Variants in FSIP2 observed in about 807,000 individuals in gnomAD.
FSIP2 encodes fibrous sheath-interacting protein 2.
A neutral mutation model predicts 510.5 loss-of-function variants in FSIP2; 367 were observed. That is an observed-to-expected ratio of 0.72 (90% CI 0.66 to 0.78). The LOEUF (loss-of-function observed/expected upper bound fraction) is 0.78, where lower values mean the gene tolerates loss of function less well. FSIP2 is among the 30% of genes least tolerant of loss of function. The pLI is 0.00. For missense variants in FSIP2, 7,594 were observed against 7,901.7 expected (o/e 0.96, Z 1.48); for synonymous variants, 2,601 against 2,732.2 (o/e 0.95, Z 1.50).
Position 185,800,895 on chromosome 2 carries a change from G to A in FSIP2, c.11589G>A (p.Pro3863=), listed in dbSNP as rs137884199. 1,407 of 1,533,456 alleles carry A rather than the reference G, an allele frequency of 9.2e-4. 7 individuals are homozygous for A. The highest frequency in any genetic ancestry group is 8.4e-4 in the Non-Finnish European group (963 of 1,145,362). The allele number at this position is 1,533,456 out of a possible 1,614,324, so 95.0% of individuals were successfully genotyped here. The change falls in exon 17 of 23, where the codon CCG becomes CCA. Residue 3863 remains proline (P), a synonymous_variant. Coordinates refer to ENST00000424728, the MANE Select transcript of FSIP2 (RefSeq NM_173651.4). Reference sequence around the variant, plus strand: ...TATCTCACAGCATACAACAAGCTCCGGAAAGTCTACCTTTTGCAAATAAGC... The same window carrying A: ...TATCTCACAGCATACAACAAGCTCCAGAAAGTCTACCTTTTGCAAATAAGC... ...DKLSHSIQQA[P]ESLPFANKHL... is the part of the protein sequence containing the mutation.
chr2:185,762,684 T>C (rs547698767), intron 11 of FSIP2, among the ~76,000 whole-genome samples: 2 of 151,550 alleles, frequency 1.3e-5, no homozygotes, highest in East Asian at 3.9e-4. Context: ...ATTTTGATCT[T>C]CACTTTTTTC....
At position 185,803,906 on chromosome 2, in the gene FSIP2, T is replaced by C. The variant is rs1242698484; in HGVS notation, c.14600T>C (p.Ile4867Thr). 3 of 1,526,306 alleles carry C rather than the reference T, an allele frequency of 2.0e-6. No individual in the cohort carries two copies. The highest frequency in any genetic ancestry group is 8.8e-7 in the Non-Finnish European group (1 of 1,140,028). The allele number at this position is 1,526,306 out of a possible 1,614,324, so 94.5% of individuals were successfully genotyped here. A position where few individuals can be genotyped will look rare whatever the true frequency, so the allele number is the denominator to read the frequency against. Residue 4867 changes from isoleucine to threonine, a missense_variant, in exon 17 of 23, where the codon ATT (isoleucine) becomes ACT (threonine). Physicochemically the swap from Ile to Thr is moderately conservative, Grantham distance 89. Transcript: ENST00000424728. The stretch of plus-strand genomic sequence containing the variant: ...GATATCCAGTCTATGGTTGATTCCA[T>C]TTATGCTGATCTTTCTCATTCAAAT... ...AKDIQSMVDS[I>T]YADLSHSNIY...
In FSIP2 at chr2:185,831,902, A is replaced by T; in HGVS notation, c.20587+20A>T. 1 of 1,447,652 alleles carries T rather than the reference A, an allele frequency of 6.9e-7. No individual in the cohort carries two copies. The highest frequency in any genetic ancestry group is 9.7e-7 in the Non-Finnish European group (1 of 1,029,612). The allele number at this position is 1,447,652 out of a possible 1,614,324, so 89.7% of individuals were successfully genotyped here. A position where few individuals can be genotyped will look rare whatever the true frequency, so the allele number is the denominator to read the frequency against. ...TTTCAGGTACAAAATGTACTATTTT[A>T]ACAACTGGTGTAATTAAACTGTCAA... On this transcript the variant is annotated intron_variant, in intron 22 of 22. Coordinates refer to ENST00000424728, the MANE Select transcript of FSIP2 (RefSeq NM_173651.4).
At chr2:185,781,917 A>C (rs940437638) in intron 13 of FSIP2, among the ~76,000 whole-genome samples, 2 of 151,522 alleles carry the variant, frequency 1.3e-5, no homozygotes, top group African/African-American at 4.9e-5. Context: ...GGCTCACTGC[A>C]AGCTCCGCCT....
rs1175618250 is a variant in FSIP2, at chr2:185,800,864, A to G, written c.11558A>G (p.Asp3853Gly). Residue 3853 changes from aspartate (D) to glycine (G), a missense_variant, in exon 17 of 23, where the codon GAC becomes GGC. Transcript: ENST00000424728. The stretch of plus-strand genomic sequence containing the variant: ...CACAGCTTGGTTAAATCATTGATGG[A>G]CAAATTATCTCACAGCATACAACAA... Reference protein sequence around the residue: ...ISHSLVKSLMDKLSHSIQQAP... With the variant: ...ISHSLVKSLMGKLSHSIQQAP... The G allele has an allele frequency of 2.0e-6, 3 of 1,534,224 alleles. No individual in the cohort carries two copies. The highest frequency in any genetic ancestry group is 2.6e-6 in the Non-Finnish European group (3 of 1,145,682).
chr2:185,770,454 G>A (rs903672747), intron 13 of FSIP2, among the ~76,000 whole-genome samples: 1 of 152,266 alleles, frequency 6.6e-6, no homozygotes, highest in Middle Eastern at 3.4e-3. Context: ...TGAAGGGGAA[G>A]CAGGCATATC....
intron 9 of FSIP2, among the ~76,000 whole-genome samples, chr2:185,760,124 CTTTA>C (rs1011807592): frequency 2.9e-4 from 43 of 150,378 alleles, no homozygotes; most frequent in African/African-American, 9.7e-4. Flanking sequence ...TGATTTGTGG[CTTTA>C]TTTGTTTTTG....
In FSIP2 at chr2:185,797,179, A is replaced by C; in HGVS notation, c.10043A>C (p.His3348Pro). 1 of 1,535,070 alleles carries C rather than the reference A, an allele frequency of 6.5e-7. No individual in the cohort carries two copies. The highest frequency in any genetic ancestry group is 8.7e-7 in the Non-Finnish European group (1 of 1,146,248). ...LSSCGFPSQP[H>P]TNENREIMKP... Reference sequence around the variant, plus strand: ...AGCTGTGGCTTTCCAAGTCAACCACACACTAATGAGAACAGGGAAATAATG... The same window carrying C: ...AGCTGTGGCTTTCCAAGTCAACCACCCACTAATGAGAACAGGGAAATAATG... The change falls in exon 16 of 23, where the codon CAC (histidine) becomes CCC (proline). Residue 3348 changes from histidine (H) to proline (P), a missense_variant. By Grantham distance (77) the His-to-Pro change is moderately conservative (BLOSUM62 -2). Coordinates refer to ENST00000424728, the MANE Select transcript of FSIP2 (RefSeq NM_173651.4).
intron 21 of FSIP2, among the ~76,000 whole-genome samples, chr2:185,828,755 G>C (rs2105689381): frequency 6.6e-6 from 1 of 151,912 alleles, no homozygotes; most frequent in South Asian, 2.1e-4. Context: ...TTCTTATAAA[G>C]TTTCCAATGA....
chr2:185,741,165 A>G (rs912623693), intron 2 of FSIP2, among the ~76,000 whole-genome samples: 3 of 152,062 alleles, frequency 2.0e-5, no homozygotes, highest in Admixed American at 6.5e-5. Flanking sequence ...TCCCTTAAAT[A>G]TATTATTTTA....
chr2:185,827,368 A>G (rs1694032053), intron 20 of FSIP2, among the ~76,000 whole-genome samples: 1 of 151,802 alleles, frequency 6.6e-6, no homozygotes, highest in African/African-American at 2.4e-5. Context: ...TTCTTATATG[A>G]TATCTTGAGA....
At position 185,747,359 on chromosome 2, in the gene FSIP2, A is replaced by T. The variant is rs1559009787; in HGVS notation, c.806A>T (p.Asp269Val). ...TTACTTCTGACAAGGATGGCAGAAGATGTTAAAAGAGAAGAGAGGATAGAA... is the reference window on the plus strand; with the variant it reads ...TTACTTCTGACAAGGATGGCAGAAGTTGTTAAAAGAGAAGAGAGGATAGAA... Reference protein sequence around the residue: ...EMLLLTRMAEDVKREERIEEQ... With the variant: ...EMLLLTRMAEVVKREERIEEQ... Residue 269 changes from aspartate to valine, a missense_variant, in exon 7 of 23, where the codon GAT (aspartate) becomes GTT (valine). Asp to Val is a radical substitution (Grantham distance 152, BLOSUM62 -3). Coordinates refer to ENST00000424728, the MANE Select transcript of FSIP2 (RefSeq NM_173651.4). 6.5e-7 allele frequency: 1 copy of T among 1,533,314 alleles called. No homozygotes were observed. Among genetic ancestry groups the T allele is most frequent in the Non-Finnish European group, 8.7e-7 (1 of 1,144,350 alleles). 95.0% of individuals were successfully genotyped at this position (1,533,314 alleles called of 1,614,324 possible).
chr2:185,803,246 TAA>T lies in FSIP2; in HGVS notation c.13941_13942del (p.Ile4647MetfsTer6). The T allele has an allele frequency of 6.6e-7, 1 of 1,526,596 alleles. No homozygotes were observed. Among genetic ancestry groups the T allele is most frequent in the Non-Finnish European group, 8.7e-7 (1 of 1,143,010 alleles). 94.6% of individuals were successfully genotyped at this position (1,526,596 alleles called of 1,614,324 possible). Reference sequence around the variant, plus strand: ...GTAGGCATTGTACAAACAAAATCCATAAGAGATTCAGAAGATGAACTGTTTGA... The same window carrying T: ...GTAGGCATTGTACAAACAAAATCCATGAGATTCAGAAGATGAACTGTTTGA... On this transcript the variant is annotated frameshift_variant, in exon 17 of 23. Coordinates refer to ENST00000424728, the MANE Select transcript of FSIP2 (RefSeq NM_173651.4). LOFTEE classifies it high-confidence loss of function.
chr2:185,831,809 G>A lies in FSIP2; in HGVS notation c.20518-4G>A. On this transcript the variant is annotated splice_region_variant and splice_polypyrimidine_tract_variant and intron_variant, in intron 21 of 22. Transcript: ENST00000424728. ...TCAGTTTGTATTTCAATTTACCTTG[G>A]CAGTTTATCACCATCTTTGAAAGAT... 2 of 1,601,488 alleles carry A rather than the reference G, an allele frequency of 1.2e-6. No individual in the cohort carries two copies. The highest frequency in any genetic ancestry group is 1.7e-6 in the Non-Finnish European group (2 of 1,169,544).
In FSIP2 at chr2:185,800,288, C is replaced by G. The variant is rs1002876389; in HGVS notation, c.10982C>G (p.Thr3661Ser). 3 of 1,534,068 alleles carry G rather than the reference C, an allele frequency of 2.0e-6. No homozygotes were observed. Among genetic ancestry groups the G allele is most frequent in the Non-Finnish European group, 2.6e-6 (3 of 1,145,606 alleles). ...AGCCCCAGAGACTGGCAATTTTCTA[C>G]TCAACAAATTGGTCAACTTTTTCAA... The part of the protein sequence containing the change: ...QASPRDWQFS[T>S]QQIGQLFQKN... The change falls in exon 17 of 23, where the codon ACT becomes AGT. Residue 3661 changes from threonine to serine, a missense_variant. By Grantham distance (58) the Thr-to-Ser change is moderately conservative. Coordinates refer to ENST00000424728, the MANE Select transcript of FSIP2 (RefSeq NM_173651.4).
chr2:185,747,538 T>C (rs1457404328), intron 7 of FSIP2, 115 bp downstream of exon 7: 1 of 572,188 alleles, frequency 1.7e-6, no homozygotes, highest in Non-Finnish European at 3.1e-6. Context: ...CCAAATGATA[T>C]GCATGATATA....
At chr2:185,761,766 C>T (rs930253220) in intron 10 of FSIP2, among the ~76,000 whole-genome samples, 2 of 151,188 alleles carry the variant, frequency 1.3e-5, no homozygotes, top group South Asian at 2.1e-4. Flanking sequence ...ACATATTGAA[C>T]TCAGTTTTGG....
rs911203495 is a variant in FSIP2, at chr2:185,805,038, A to G, written c.15732A>G (p.Glu5244=). 8 of 1,597,802 alleles carry G rather than the reference A, an allele frequency of 5.0e-6. No homozygotes were observed. The African/African-American group carries it at 1.1e-4, about 21-fold the overall frequency. The change falls in exon 17 of 23, where the codon GAA becomes GAG. Residue 5244 remains glutamate (E), a synonymous_variant. Coordinates refer to ENST00000424728, the MANE Select transcript of FSIP2 (RefSeq NM_173651.4). ...HHLQPFLHGE[E]SSFSDLSDYD... is the part of the protein sequence containing the mutation. ...TACAGCCATTTTTACATGGTGAAGAATCATCTTTCAGTGACTTATCTGATT... is the reference window on the plus strand; with the variant it reads ...TACAGCCATTTTTACATGGTGAAGAGTCATCTTTCAGTGACTTATCTGATT...
intron 2 of FSIP2, among the ~76,000 whole-genome samples, chr2:185,739,746 A>G (rs1314520269): frequency 2.0e-5 from 3 of 152,288 alleles, no homozygotes; most frequent in Admixed American, 6.5e-5. Context: ...AAAACTTCAT[A>G]TATACTTATA....
Sources: allele counts gnomAD v4.1 joint callset (sites outside exome capture counted in the v4.1 genomes callset), GRCh38; gene constraint gnomAD v4.1.1; transcripts MANE v1.5; gene names NCBI Gene and HGNC (gene_info 2026-07-23, HGNC 2026-07-21).